The following CORO2A variants were observed in gnomAD, a reference collection of about 807,000 sequenced individuals.
The protein encoded by CORO2A is coronin 2A, also known as coronin-2A.
CORO2A carries 47 observed loss-of-function variants against 62.4 expected under a neutral mutation model. The observed-to-expected ratio is 0.75, with a 90% CI of 0.60 to 0.96. The LOEUF (loss-of-function observed/expected upper bound fraction) is 0.96. Ranked by LOEUF, CORO2A falls within the 40% of genes least tolerant of loss-of-function variation. The pLI is 0.00. For missense variants in CORO2A, 610 were observed against 684.1 expected (o/e 0.89, Z 1.21); for synonymous variants, 273 against 268.9 (o/e 1.02, Z -0.15).
chr9:98,149,230 T>C (rs897489029), intron 2 of CORO2A, among the ~76,000 whole-genome samples: 4 of 152,168 alleles, frequency 2.6e-5, no homozygotes, highest in African/African-American at 9.7e-5. Context: ...AAAGCAAAAA[T>C]AACGATTTGT....
At chr9:98,142,353 T>C (rs1000742762) in intron 2 of CORO2A, among the ~76,000 whole-genome samples, 4 of 152,374 alleles carry the variant, frequency 2.6e-5, no homozygotes, top group South Asian at 4.1e-4. Flanking sequence ...TCCCCAAGTG[T>C]GAGCCTGGTG....
At chr9:98,138,624 A>C (rs1827522578) in intron 2 of CORO2A, among the ~76,000 whole-genome samples, 1 of 152,252 alleles carries the variant, frequency 6.6e-6, no homozygotes, top group Admixed American at 6.5e-5. Flanking sequence ...CTAGAAGAAG[A>C]GGCCAGGCAC....
chr9:98,126,996 A>G (rs1215762237), intron 10 of CORO2A, 173 bp from the exon 11 acceptor site: 1 of 692,578 alleles, frequency 1.4e-6, no homozygotes, highest in Non-Finnish European at 2.4e-6. Flanking sequence ...AGCAGGGCTA[A>G]CAGATACAAA....
intron 1 of CORO2A, among the ~76,000 whole-genome samples, chr9:98,191,500 G>C (rs1425247892): frequency 6.6e-6 from 1 of 152,226 alleles, no homozygotes; most frequent in Non-Finnish European, 1.5e-5. Context: ...GGAAGGGTCA[G>C]AGGTTGTTTG....
chr9:98,165,234 C>G (rs1827943232), intron 1 of CORO2A, among the ~76,000 whole-genome samples: 1 of 152,200 alleles, frequency 6.6e-6, no homozygotes, highest in Admixed American at 6.5e-5. Context: ...GCTGGGATGA[C>G]AGGCGTGAGC....
intron 2 of CORO2A, among the ~76,000 whole-genome samples, chr9:98,150,337 T>C (rs952866899): frequency 6.6e-6 from 1 of 152,016 alleles, no homozygotes; most frequent in African/African-American, 2.4e-5. Flanking sequence ...TACTCCCCAA[T>C]CTGACCTCAC....
intron 7 of CORO2A, among the ~76,000 whole-genome samples, chr9:98,130,597 G>A (rs1049808349): frequency 6.6e-6 from 1 of 152,240 alleles, no homozygotes; most frequent in African/African-American, 2.4e-5. Flanking sequence ...GGATGGAGGG[G>A]GAGAGATGCT....
At chr9:98,183,831 C>G (rs1020780659) in intron 1 of CORO2A, among the ~76,000 whole-genome samples, 3 of 152,116 alleles carry the variant, frequency 2.0e-5, no homozygotes, top group Non-Finnish European at 4.4e-5. Flanking sequence ...TGTGGTAGTG[C>G]ATGCCTGTGA....
chr9:98,173,326 G>T (rs750440117), intron 1 of CORO2A, among the ~76,000 whole-genome samples: 1 of 152,154 alleles, frequency 6.6e-6, no homozygotes, highest in African/African-American at 2.4e-5. Context: ...CACAACTATC[G>T]CTCAGTTTAC....
intron 2 of CORO2A, among the ~76,000 whole-genome samples, chr9:98,155,342 ATT>A (rs11379239): frequency 9.1e-4 from 93 of 101,842 alleles, no homozygotes; most frequent in Non-Finnish European, 1.3e-3. Flanking sequence ...TTATTGCTCA[ATT>A]TTTTTTTTTT....
intron 2 of CORO2A, among the ~76,000 whole-genome samples, chr9:98,141,339 A>ACCAACGCGTAAG (rs3837266): frequency 6.9e-6 from 1 of 145,928 alleles, no homozygotes; most frequent in African/African-American, 2.5e-5. Flanking sequence ...TCTCCATGGG[A>ACCAACGCGTAAG]CCACTGACCC....
At chr9:98,188,741 G>A (rs1828269977) in intron 1 of CORO2A, among the ~76,000 whole-genome samples, 2 of 152,130 alleles carry the variant, frequency 1.3e-5, no homozygotes, top group African/African-American at 4.8e-5. Flanking sequence ...CTGCACTTCA[G>A]CCTGGGAGAC....
chr9:98,159,251 G>A (rs1056940180), intron 1 of CORO2A, among the ~76,000 whole-genome samples: 6 of 151,960 alleles, frequency 3.9e-5, no homozygotes, highest in Admixed American at 6.6e-5. Flanking sequence ...TTCTTGCCAT[G>A]TTGCCCAGGC....
At chr9:98,177,272 G>A (rs1217054034) in intron 1 of CORO2A, among the ~76,000 whole-genome samples, 2 of 152,136 alleles carry the variant, frequency 1.3e-5, no homozygotes, top group Non-Finnish European at 2.9e-5. Flanking sequence ...GTCCCCAGCT[G>A]GAGATAGCCC....
Position 98,132,281 on chromosome 9 carries a change from G to A in CORO2A, c.669C>T (p.His223=). ...CCAGAAACAGCACTTTGCTGGCCCG[G>A]TGCCCTTTGTAGCTGGCCTCCTGGA... ...TVLQEASYKG[H]RASKVLFLGN... is the part of the protein sequence containing the mutation. Residue 223 remains histidine (H), a synonymous_variant, in exon 6 of 12, where the codon CAC becomes CAT. Coordinates refer to ENST00000375077, the MANE Select transcript of CORO2A (RefSeq NM_052820.4). 6.2e-7 allele frequency: 1 copy of A among 1,614,052 alleles called. No homozygotes were observed. The highest frequency in any genetic ancestry group is 1.1e-5 in the South Asian group (1 of 91,078).
intron 3 of CORO2A, among the ~76,000 whole-genome samples, chr9:98,135,357 A>G (rs915510320): frequency 6.6e-6 from 1 of 152,208 alleles, no homozygotes; most frequent in Non-Finnish European, 1.5e-5. Context: ...CTCAAATGCC[A>G]GGATGAAGGG....
intron 2 of CORO2A, among the ~76,000 whole-genome samples, chr9:98,138,303 T>G (rs964403070): frequency 1.3e-5 from 2 of 151,676 alleles, no homozygotes; most frequent in Non-Finnish European, 2.9e-5. Flanking sequence ...TAATCCCAGC[T>G]ACTCAGGAGG....
chr9:98,188,782 CAACAACAAAA>C (rs781016403), intron 1 of CORO2A, among the ~76,000 whole-genome samples: 14 of 152,044 alleles, frequency 9.2e-5, no homozygotes, highest in Non-Finnish European at 1.8e-4. Flanking sequence ...AAAACAACAA[CAACAACAAAA>C]AACAACAACA....
At chr9:98,162,072 C>G (rs974800559) in intron 1 of CORO2A, among the ~76,000 whole-genome samples, 2 of 152,192 alleles carry the variant, frequency 1.3e-5, no homozygotes, top group African/African-American at 4.8e-5. Context: ...GCTTTCCATG[C>G]ATGAATAGAG....
Sources: allele counts gnomAD v4.1 joint callset (sites outside exome capture counted in the v4.1 genomes callset), GRCh38; gene constraint gnomAD v4.1.1; transcripts MANE v1.5; gene names NCBI Gene and HGNC (gene_info 2026-07-23, HGNC 2026-07-21).